The following ERICH3 variants were observed in gnomAD, a reference collection of about 807,000 sequenced individuals.
ERICH3 encodes the protein glutamate rich 3.
Under a neutral mutation model 131.1 loss-of-function variants are expected in ERICH3, and 126 were observed. The observed-to-expected ratio is 0.96, with a 90% CI of 0.83 to 1.11. The LOEUF is 1.11. ERICH3 is among the 50% of genes most tolerant of loss of function. The pLI is 0.00. For missense variants in ERICH3, 2,050 were observed against 1,810.7 expected (o/e 1.13, Z -2.40); for synonymous variants, 695 against 644.6 (o/e 1.08, Z -1.18).
intron 1 of ERICH3, among the ~76,000 whole-genome samples, chr1:74,662,507 A>G (rs1030443484): frequency 3.9e-5 from 6 of 152,198 alleles, no homozygotes; most frequent in Admixed American, 2.6e-4. Flanking sequence ...GGAGATGATC[A>G]GAAATAAATC....
intron 8 of ERICH3, among the ~76,000 whole-genome samples, 162 bp from the exon 9 acceptor site, chr1:74,612,971 G>T (rs1245656079): frequency 2.0e-5 from 3 of 152,070 alleles, no homozygotes; most frequent in African/African-American, 7.2e-5. Flanking sequence ...GAATTGTCTT[G>T]GGTCACATAT....
rs116476688 is a variant in ERICH3 at position 74,631,391 on chromosome 1, T to C, written c.819+322A>G. Among the ~76,000 whole-genome samples the C allele has an allele frequency of 9.3e-3, 1,411 of 152,254 alleles. 14 individuals are homozygous for C. Among genetic ancestry groups the C allele is most frequent in the Non-Finnish European group, 0.011 (751 of 68,008 alleles). ...GGTTTCTGAATTTTTACAACTTAGA[T>C]GTAAAGATGTTTCTAACAACATGTG... is the stretch of plus-strand genomic sequence containing the variant. On this transcript the variant is annotated intron_variant, in intron 7 of 14. Coordinates refer to ENST00000326665, the MANE Select transcript of ERICH3 (RefSeq NM_001002912.5).
At position 74,628,617 on chromosome 1, in the gene ERICH3, T is replaced by C. The variant is rs1649491953; in HGVS notation, c.819+3096A>G. On this transcript the variant is annotated intron_variant, in intron 7 of 14. Coordinates refer to ENST00000326665, the MANE Select transcript of ERICH3 (RefSeq NM_001002912.5). Reference sequence around the variant, plus strand: ...TAAGTTTGGGGGGAGTCAAAGTTTATATACAAATTTTCGACTGTGCAGAGA... The same window carrying C: ...TAAGTTTGGGGGGAGTCAAAGTTTACATACAAATTTTCGACTGTGCAGAGA... Among the ~76,000 whole-genome samples, 5 of 151,990 alleles carry C rather than the reference T, an allele frequency of 3.3e-5. No individual in the cohort carries two copies. In the South Asian group the frequency reaches 1.0e-3, roughly 32 times the overall value.
intron 7 of ERICH3, chr1:74,623,153 G>A (rs1256617721): frequency 1.3e-5 from 2 of 152,182 alleles, no homozygotes; most frequent in Non-Finnish European, 2.9e-5. Flanking sequence ...TGAAAATTCA[G>A]TTCCATTTGA....
At chr1:74,589,329 G>A (rs1203375333) in intron 12 of ERICH3, 2 of 486,860 alleles carry the variant, frequency 4.1e-6, no homozygotes, top group East Asian at 6.1e-5. Flanking sequence ...ACACATCCTT[G>A]CCTTCAGACA....
chr1:74,588,489 A>C (rs1365282162), intron 12 of ERICH3, among the ~76,000 whole-genome samples: 1 of 152,160 alleles, frequency 6.6e-6, no homozygotes, highest in East Asian at 1.9e-4. Context: ...AGTAGACCCC[A>C]GTGGTTTAAC....
intron 1 of ERICH3, among the ~76,000 whole-genome samples, chr1:74,661,445 G>T (rs939565670): frequency 6.6e-6 from 1 of 152,018 alleles, no homozygotes; most frequent in African/African-American, 2.4e-5. Context: ...TCATTTTGAG[G>T]GGTCATGAAT....
chr1:74,649,775 G>A (rs973198550), intron 1 of ERICH3, among the ~76,000 whole-genome samples: 3 of 152,054 alleles, frequency 2.0e-5, no homozygotes, highest in Non-Finnish European at 2.9e-5. Flanking sequence ...AGAATACAAC[G>A]TAGTCTCCCA....
At chr1:74,670,766 G>C (rs981922380) in intron 1 of ERICH3, among the ~76,000 whole-genome samples, 1 of 152,192 alleles carries the variant, frequency 6.6e-6, no homozygotes, top group Non-Finnish European at 1.5e-5. Context: ...CATAAGGTCT[G>C]ACTGCCTGTG....
Position 74,571,120 on chromosome 1 carries a change from G to C in ERICH3, c.4590C>G (p.Val1530=), listed in dbSNP as rs1263126742. The C allele has an allele frequency of 6.2e-7, 1 of 1,612,676 alleles. No homozygotes were observed. Among genetic ancestry groups the C allele is most frequent in the Non-Finnish European group, 8.5e-7 (1 of 1,179,332 alleles). ...TCACTGTCTGCCAGCAAGTCTCCTA[G>C]ACCTGCACGTTGTTGGGGGAAACAT... The part of the protein sequence containing the change: ...TADVSPNNVQ[V] The change falls in exon 14 of 15, where the codon GTC becomes GTG. Residue 1530 remains valine, a synonymous_variant. Coordinates refer to ENST00000326665, the MANE Select transcript of ERICH3 (RefSeq NM_001002912.5).
At chr1:74,602,808 C>T (rs1210484934) in intron 10 of ERICH3, among the ~76,000 whole-genome samples, 1 of 151,848 alleles carries the variant, frequency 6.6e-6, no homozygotes, top group East Asian at 1.9e-4. Context: ...AACCACCATG[C>T]TTCAAAGTTA....
Position 74,589,680 on chromosome 1 carries a change from A to C in ERICH3, c.2127T>G (p.Thr709=), listed in dbSNP as rs2100560853. 6.2e-7 allele frequency: 1 copy of C among 1,614,086 alleles called. No individual in the cohort carries two copies. The highest frequency in any genetic ancestry group is 1.3e-5 in the African/African-American group (1 of 75,038). The change falls in exon 12 of 15, where the codon ACT becomes ACG. Residue 709 remains threonine, a synonymous_variant. Transcript: ENST00000326665. ...KDKSKLWEES[T]AQVKDKKAGL... ...CTGCCTTTTTGTCCTTCACCTGAGC[A>C]GTGCTTTCTTCCCAAAGCTTACTCT...
chr1:74,600,905 G>C (rs997856987), intron 10 of ERICH3, among the ~76,000 whole-genome samples: 2 of 151,498 alleles, frequency 1.3e-5, no homozygotes, highest in African/African-American at 2.4e-5. Context: ...GCTTCTCTGT[G>C]GGGGAGGGGG....
At chr1:74,653,733 A>G (rs1214842818) in intron 1 of ERICH3, among the ~76,000 whole-genome samples, 2 of 152,170 alleles carry the variant, frequency 1.3e-5, no homozygotes, top group Non-Finnish European at 2.9e-5. Context: ...GGAAAACCTA[A>G]GGCAATATTT....
intron 3 of ERICH3, among the ~76,000 whole-genome samples, chr1:74,644,333 T>C (rs1217557223): frequency 6.6e-6 from 1 of 152,028 alleles, no homozygotes; most frequent in Admixed American, 6.6e-5. Context: ...CATCCACATC[T>C]ACTGACTTGC....
chr1:74,659,336 GT>G (rs1646618299), intron 1 of ERICH3, among the ~76,000 whole-genome samples: 1 of 152,144 alleles, frequency 6.6e-6, no homozygotes, highest in Non-Finnish European at 1.5e-5. Context: ...GTGTGTGTGT[GT>G]GTGTGTGTGT....
chr1:74,590,699 C>T (rs1195149365), intron 11 of ERICH3, among the ~76,000 whole-genome samples: 1 of 152,156 alleles, frequency 6.6e-6, no homozygotes, highest in Admixed American at 6.6e-5. Context: ...TCCTGCTGTG[C>T]AGCCTGGTTC....
chr1:74,570,561 T>C (rs1006896007), intron 14 of ERICH3, 122 bp from the exon 15 acceptor site: 1 of 152,304 alleles, frequency 6.6e-6, no homozygotes, highest in Non-Finnish European at 1.5e-5. Flanking sequence ...TTTTAGTTTT[T>C]AGTTCGACTC....
intron 12 of ERICH3, chr1:74,579,700 A>G: frequency 1.0e-6 from 1 of 985,338 alleles, no homozygotes; most frequent in Non-Finnish European, 1.2e-6. Flanking sequence ...TTTTCCACCC[A>G]TAGTAAAAGA....
Sources: gnomAD v4.1 joint callset for allele counts (sites outside exome capture counted in the v4.1 genomes callset) on GRCh38, gnomAD v4.1.1 for gene constraint, MANE v1.5 for transcripts, NCBI Gene and HGNC (gene_info 2026-07-23, HGNC 2026-07-21) for gene names.